Variants in SGSM3 observed in about 807,000 individuals in gnomAD.
SGSM3 encodes the protein RUN and SH3 containing 3.
Under a neutral mutation model 100.5 loss-of-function variants are expected in SGSM3, and 96 were observed. The ratio of observed to expected loss-of-function variants is 0.96; its 90% CI spans 0.81 to 1.13. The LOEUF is 1.13. Ranked by LOEUF, SGSM3 falls within the 50% of genes most tolerant of loss-of-function variation. SGSM3 has a pLI of 0.00. For missense variants in SGSM3, 1,001 were observed against 1,015.8 expected (o/e 0.99, Z 0.20); for synonymous variants, 483 against 422.8 (o/e 1.14, Z -1.75).
intron 1 of SGSM3, chr22:40,372,960 G>A (rs1295002576): frequency 6.6e-6 from 1 of 152,174 alleles, no homozygotes; most frequent in Admixed American, 6.5e-5. Flanking sequence ...CTGTCACAAG[G>A]AAATGGGAAT....
rs1187521564 is a variant in SGSM3, at chr22:40,409,077, CA to C, written c.1988+60del. 111 of 1,551,124 alleles carry C rather than the reference CA, an allele frequency of 7.2e-5. 1 individual carries two copies. Among genetic ancestry groups the C allele is most frequent in the Admixed American group, 3.5e-4 (18 of 51,142 alleles). On this transcript the variant is annotated intron_variant, in intron 19 of 21. Transcript: ENST00000248929. ...GGAGTGGGGGGACCCAGCCCAGCAT[CA>C]GGGGGGGTCCTTACAGGGAACCCTA...
chr22:40,381,141 C>CT (rs917042615), intron 1 of SGSM3, among the ~76,000 whole-genome samples: 19 of 150,892 alleles, frequency 1.3e-4, no homozygotes, highest in African/African-American at 3.4e-4. Context: ...ACACGCTTTT[C>CT]TTTTTTTTTC....
chr22:40,401,814 C>T, intron 3 of SGSM3, 139 bp downstream of exon 3: 1 of 715,092 alleles, frequency 1.4e-6, no homozygotes, highest in African/African-American at 1.7e-5. Context: ...GTATCTTAGC[C>T]CCATGTTTCC....
chr22:40,383,193 T>C (rs6001894), intron 1 of SGSM3, among the ~76,000 whole-genome samples: 34,110 of 151,910 alleles, frequency 0.22, 4,358 homozygotes, highest in Admixed American at 0.38. Context: ...AACGGCCGGG[T>C]GCAGTGGCTC....
intron 1 of SGSM3, among the ~76,000 whole-genome samples, chr22:40,399,229 G>A (rs9607714): frequency 7.2e-5 from 7 of 97,176 alleles, no homozygotes; most frequent in Admixed American, 3.1e-4. Context: ...CAAGTGATCC[G>A]CCCACCTCAG....
rs761461020 is a variant in SGSM3 at position 40,407,487 on chromosome 22, C to A, written c.1443C>A (p.His481Gln). 6.2e-7 allele frequency: 1 copy of A among 1,611,440 alleles called. No homozygotes were observed. Among genetic ancestry groups the A allele is most frequent in the Non-Finnish European group, 8.5e-7 (1 of 1,179,990 alleles). The part of the protein sequence containing the change: ...HENYVACSRS[H>Q]RRRAKALLDF... ...ACTACGTGGCGTGCTCACGCAGCCA[C>A]CGGCGCCGAGCCAAGGCCCTGCTGG... The change falls in exon 13 of 22, where the codon CAC becomes CAA. Residue 481 changes from histidine to glutamine, a missense_variant. His to Gln is a conservative substitution (Grantham distance 24, BLOSUM62 0). Coordinates refer to ENST00000248929, the MANE Select transcript of SGSM3 (RefSeq NM_015705.6). This position sits in a 1 kb window ranked among gnomAD's most constrained non-coding sequence, Gnocchi z 4.7.
In SGSM3 at chr22:40,401,641, T is replaced by C; in HGVS notation, c.56T>C (p.Ile19Thr). Reference protein sequence around the residue: ...CGPFSALTPSIWPQEILAKYT... With the variant: ...CGPFSALTPSTWPQEILAKYT... ...CCTTTCTCAGCCCTGACTCCGAGCA[T>C]ATGGCCCCAGGAGATCTTGGCCAAG... is the stretch of plus-strand genomic sequence containing the variant. Residue 19 changes from isoleucine to threonine, a missense_variant, in exon 3 of 22, where the codon ATA becomes ACA. By Grantham distance (89) the Ile-to-Thr change is moderately conservative (BLOSUM62 -1). Coordinates refer to ENST00000248929, the MANE Select transcript of SGSM3 (RefSeq NM_015705.6). 1.9e-6 allele frequency: 3 copies of C among 1,613,362 alleles called. No homozygotes were observed. The highest frequency in any genetic ancestry group is 2.5e-6 in the Non-Finnish European group (3 of 1,179,484).
chr22:40,394,670 C>T (rs984693505), intron 1 of SGSM3, among the ~76,000 whole-genome samples: 2 of 145,896 alleles, frequency 1.4e-5, no homozygotes, highest in Non-Finnish European at 3.0e-5. Flanking sequence ...AAAAAAAATT[C>T]CAGTTTTTGC....
rs185040346 is a variant in SGSM3 at position 40,405,125 on chromosome 22, G to C, written c.475-16G>C. 1 of 1,487,070 alleles carries C rather than the reference G, an allele frequency of 6.7e-7. No homozygotes were observed. The allele number at this position is 1,487,070 out of a possible 1,614,324, so 92.1% of individuals were successfully genotyped here. Reference sequence around the variant, plus strand: ...ACAAGGTCTTGTTATTGTGGGTGCCGATGGCTGCCTGACAGATCGAGAAGG... The same window carrying C: ...ACAAGGTCTTGTTATTGTGGGTGCCCATGGCTGCCTGACAGATCGAGAAGG... On this transcript the variant is annotated splice_polypyrimidine_tract_variant and intron_variant, in intron 6 of 21. Transcript: ENST00000248929.
At chr22:40,386,158 A>T (rs938919310) in intron 1 of SGSM3, among the ~76,000 whole-genome samples, 3 of 152,028 alleles carry the variant, frequency 2.0e-5, no homozygotes, top group Admixed American at 6.6e-5. Flanking sequence ...GGGATCACAA[A>T]TGTGAGCCAC....
chr22:40,384,509 G>A (rs927743073), intron 1 of SGSM3, among the ~76,000 whole-genome samples: 1 of 152,130 alleles, frequency 6.6e-6, no homozygotes, highest in African/African-American at 2.4e-5. Context: ...GGCCAGGTGC[G>A]GTGGCTCACG....
chr22:40,395,667 C>G (rs1189684294), intron 1 of SGSM3, among the ~76,000 whole-genome samples: 1 of 152,152 alleles, frequency 6.6e-6, no homozygotes, highest in Non-Finnish European at 1.5e-5. Flanking sequence ...CTCCCCAAAC[C>G]TGTTTTGTTC....
chr22:40,404,181 C>T (rs2051129537), intron 4 of SGSM3, 66 bp from the exon 5 acceptor site: 2 of 1,366,958 alleles, frequency 1.5e-6, no homozygotes, highest in Admixed American at 4.9e-5. Context: ...AAGACGGAGG[C>T]TTGGCTGCTT....
chr22:40,408,308 A>T lies in SGSM3; in HGVS notation c.1661A>T (p.Glu554Val). Reference sequence around the variant, plus strand: ...ATCGCGGGGGATGACTCGGTGACGGAGGGGGTCACAGACCTCGTGCGAGGG... The same window carrying T: ...ATCGCGGGGGATGACTCGGTGACGGTGGGGGTCACAGACCTCGTGCGAGGG... The part of the protein sequence containing the change: ...YSIAGDDSVT[E>V]GVTDLVRGTL... The change falls in exon 16 of 22, where the codon GAG (glutamate) becomes GTG (valine). Residue 554 changes from glutamate to valine, a missense_variant. Coordinates refer to ENST00000248929, the MANE Select transcript of SGSM3 (RefSeq NM_015705.6). 1.2e-6 allele frequency: 2 copies of T among 1,613,414 alleles called. No homozygotes were observed. The highest frequency in any genetic ancestry group is 1.7e-6 in the Non-Finnish European group (2 of 1,179,960).
chr22:40,381,068 G>C (rs5995849), intron 1 of SGSM3, among the ~76,000 whole-genome samples: 42,285 of 152,122 alleles, frequency 0.28, 7,104 homozygotes, highest in African/African-American at 0.43. Flanking sequence ...TGGGAAGAAC[G>C]AAGTAATTAG....
In SGSM3 at chr22:40,380,199, A is replaced by T. The variant is rs76715661; in HGVS notation, c.-112+9511A>T. Among the ~76,000 whole-genome samples, 841 of 152,270 alleles carry T rather than the reference A, an allele frequency of 5.5e-3. 8 individuals carry two copies. The highest frequency in any genetic ancestry group is 0.02 in the African/African-American group (816 of 41,540). Reference sequence around the variant, plus strand: ...GTGCTGGAAATGTTCTTGTATGACTATTAACATTTTTTTAATGCTGTGTGT... The same window carrying T: ...GTGCTGGAAATGTTCTTGTATGACTTTTAACATTTTTTTAATGCTGTGTGT... On this transcript the variant is annotated intron_variant, in intron 1 of 21. Transcript: ENST00000248929.
chr22:40,403,119 ACT>A (rs1254636893), intron 4 of SGSM3, among the ~76,000 whole-genome samples: 4 of 152,244 alleles, frequency 2.6e-5, no homozygotes, highest in Admixed American at 6.5e-5. Context: ...CAGAGTGTTC[ACT>A]GTTACACCTT....
intron 5 of SGSM3, 37 bp from the exon 6 acceptor site, chr22:40,404,520 A>G (rs2146974863): frequency 6.2e-7 from 1 of 1,610,992 alleles, no homozygotes. Flanking sequence ...AGGTGTCACG[A>G]GAAAGACTGA....
rs140197200 is a variant in SGSM3, at chr22:40,408,815, C to G, written c.1875C>G (p.Val625=). Residue 625 remains valine, a synonymous_variant, in exon 18 of 22, where the codon GTC becomes GTG. Transcript: ENST00000248929. ...TCAGGTTGGATGAAGATGGCAAAGT[C>G]CTGACCCCGGAGGAGCTGCTCTACC... ...KTFRLDEDGK[V]LTPEELLYRA... The G allele has an allele frequency of 3.5e-5, 56 of 1,613,770 alleles. 1 individual carries two copies. The Middle Eastern group carries it at 1.5e-3, about 43-fold the overall frequency.
Sources: allele counts gnomAD v4.1 joint callset (sites outside exome capture counted in the v4.1 genomes callset), GRCh38; gene constraint gnomAD v4.1.1; non-coding constraint Gnocchi (gnomAD v3.1); transcripts MANE v1.5; gene names NCBI Gene and HGNC (gene_info 2026-07-23, HGNC 2026-07-21).